The following FAM83F variants were observed in gnomAD, a reference collection of about 807,000 sequenced individuals.
The protein encoded by FAM83F is scaffolding CK1 anchoring protein F.
Under a neutral mutation model 42.9 loss-of-function variants are expected in FAM83F, and 45 were observed. The observed-to-expected ratio is 1.05, with a 90% confidence interval of 0.83 to 1.35. The LOEUF is 1.35. Among genes scored for constraint, FAM83F ranks in the 40% most tolerant of loss-of-function variants. FAM83F has a pLI of 0.00. For synonymous variants in FAM83F, 306 were observed against 298.3 expected, an observed-to-expected ratio of 1.03 and a Z score of -0.27; for missense variants, 617 against 695.9, an observed-to-expected ratio of 0.89 and a Z score of 1.28.
Position 40,023,651 on chromosome 22 carries a change from G to A in FAM83F, c.1453+1688G>A, listed in dbSNP as rs148059765. Among the ~76,000 whole-genome samples, 765 of 152,250 alleles carry A rather than the reference G, an allele frequency of 5.0e-3. 10 individuals are homozygous for A. Among genetic ancestry groups the A allele is most frequent in the African/African-American group, 0.017 (700 of 41,528 alleles). On this transcript the variant is annotated intron_variant, in intron 4 of 4. Transcript: ENST00000333407. The surrounding 1 kb of genome is among the most constrained non-coding windows in gnomAD (Gnocchi z 4.1). Reference sequence around the variant, plus strand: ...ATCCATGTCCCTGCTCCCACATCTCGGGTGGTCACGGCGGCCCTGCCCCTG... The same window carrying A: ...ATCCATGTCCCTGCTCCCACATCTCAGGTGGTCACGGCGGCCCTGCCCCTG...
rs2067617265 is a variant in FAM83F, at chr22:40,035,472, T to G, written c.*5907T>G. 4 of 152,256 alleles carry G rather than the reference T, an allele frequency of 2.6e-5. No individual in the cohort carries two copies. Among genetic ancestry groups the G allele is most frequent in the Non-Finnish European group, 4.4e-5 (3 of 68,048 alleles). The allele number at this position is 152,256 out of a possible 1,614,324, so 9.4% of individuals were successfully genotyped here. ...GGAAGTGTCTTGGAAGTTAGGCGAC[T>G]GCACAGGGAAAGGTTCGCTGCAGTG... is the stretch of plus-strand genomic sequence containing the variant. On this transcript the variant is annotated 3_prime_UTR_variant, in exon 5 of 5. Coordinates refer to ENST00000333407, the MANE Select transcript of FAM83F (RefSeq NM_138435.4).
Position 40,021,514 on chromosome 22 carries a change from A to G in FAM83F, c.1004A>G (p.His335Arg). ...PKYALVSGCR[H>R]PPGEMMRWAA... The stretch of plus-strand genomic sequence containing the variant: ...TACGCCTTGGTGTCAGGCTGCCGCC[A>G]CCCGCCTGGGGAGATGATGCGCTGG... The change falls in exon 4 of 5, where the codon CAC (histidine) becomes CGC (arginine). Residue 335 changes from histidine (H) to arginine (R), a missense_variant. Transcript: ENST00000333407. The surrounding 1 kb of genome is among the most constrained non-coding windows in gnomAD (Gnocchi z 8.7). The G allele has an allele frequency of 1.3e-6, 2 of 1,576,176 alleles. No homozygotes were observed. Among genetic ancestry groups the G allele is most frequent in the Admixed American group, 1.7e-5 (1 of 57,770 alleles).
rs2067526517 is a variant in FAM83F, at chr22:40,022,031, T to C, written c.1453+68T>C. ...GGCCCTCGCCCCGCATCGGCTCTTA[T>C]CCAGGAGCACTGCCTCATACCTGCA... On this transcript the variant is annotated intron_variant, in intron 4 of 4. Coordinates refer to ENST00000333407, the MANE Select transcript of FAM83F (RefSeq NM_138435.4). The C allele has an allele frequency of 3.0e-6, 4 of 1,354,352 alleles. No individual in the cohort carries two copies. The African/African-American group carries it at 5.8e-5, about 20-fold the overall frequency. 83.9% of individuals were successfully genotyped at this position (1,354,352 alleles called of 1,614,324 possible).
rs1020701719 is a variant in FAM83F at position 39,997,171 on chromosome 22, T to C, written c.489+1640T>C. 3.9e-5 allele frequency among the ~76,000 whole-genome samples: 6 copies of C among 152,350 alleles called. No homozygotes were observed. In the East Asian group the frequency reaches 9.6e-4, roughly 24 times the overall value. On this transcript the variant is annotated intron_variant, in intron 1 of 4. Transcript: ENST00000333407. The stretch of plus-strand genomic sequence containing the variant: ...AGGACCCAAACTCCAAAGCCCTTGC[T>C]CTTAACCACTGTGCTACACTGCCCC...
At chr22:40,004,701 G>A (rs895475513) in intron 1 of FAM83F, among the ~76,000 whole-genome samples, 1 of 152,184 alleles carries the variant, frequency 6.6e-6, no homozygotes, top group Non-Finnish European at 1.5e-5. Flanking sequence ...ACCTTCTAAA[G>A]TGCTGGGATT....
intron 1 of FAM83F, among the ~76,000 whole-genome samples, chr22:39,997,631 G>T (rs2067378282): frequency 1.3e-5 from 2 of 152,264 alleles, no homozygotes; most frequent in African/African-American, 4.8e-5. Context: ...TGCAGAATTG[G>T]AAAGGGAGAG....
intron 3 of FAM83F, among the ~76,000 whole-genome samples, chr22:40,020,304 C>T (rs1314317663): frequency 6.6e-6 from 1 of 151,516 alleles, no homozygotes; most frequent in Admixed American, 6.6e-5. Flanking sequence ...AAGTGGGATG[C>T]ACCAGATCTG....
chr22:40,004,841 C>G (rs2067419981), intron 1 of FAM83F, among the ~76,000 whole-genome samples: 1 of 152,148 alleles, frequency 6.6e-6, no homozygotes, highest in South Asian at 2.1e-4. Flanking sequence ...AAATAGGATG[C>G]TAGATGGGAA....
intron 1 of FAM83F, among the ~76,000 whole-genome samples, chr22:40,018,595 C>A (rs568037147): frequency 2.7e-5 from 4 of 148,634 alleles, no homozygotes; most frequent in Admixed American, 2.7e-4. Context: ...CCTGCCACCA[C>A]GCCTGGCTAA....
intron 1 of FAM83F, among the ~76,000 whole-genome samples, chr22:40,005,710 G>T (rs922915822): frequency 1.2e-4 from 19 of 152,362 alleles, no homozygotes; most frequent in African/African-American, 4.6e-4. Context: ...TGACCTGCAG[G>T]GTCGGAATCA....
Position 40,021,098 on chromosome 22 carries a change from T to G in FAM83F, c.780-192T>G, listed in dbSNP as rs2067517303. 6.6e-6 allele frequency among the ~76,000 whole-genome samples: 1 copy of G among 152,158 alleles called. No individual in the cohort carries two copies. Among genetic ancestry groups the G allele is most frequent in the Non-Finnish European group, 1.5e-5 (1 of 68,034 alleles). On this transcript the variant is annotated intron_variant, in intron 3 of 4. Coordinates refer to ENST00000333407, the MANE Select transcript of FAM83F (RefSeq NM_138435.4). This position sits in a 1 kb window ranked among gnomAD's most constrained non-coding sequence, Gnocchi z 8.7. The stretch of plus-strand genomic sequence containing the variant: ...TCCCTGCACCCACTGCCTGCTTGCT[T>G]CATTTGAGGCCAAGCTCTGGGGAAA...
intron 4 of FAM83F, among the ~76,000 whole-genome samples, chr22:40,026,294 G>A (rs1357870908): frequency 6.6e-6 from 1 of 152,178 alleles, no homozygotes; most frequent in Non-Finnish European, 1.5e-5. Context: ...GCCTAGGTGG[G>A]CAGATCATGA....
Position 40,029,657 on chromosome 22 carries a change from A to G in FAM83F, c.*92A>G. ...CAGGTCGCACACTGCACCAGTTTGC[A>G]CATCAGACGCCAACTGGCCTTCTGC... On this transcript the variant is annotated 3_prime_UTR_variant, in exon 5 of 5. Transcript: ENST00000333407. 9.8e-6 allele frequency: 15 copies of G among 1,523,886 alleles called. No individual in the cohort carries two copies. The highest frequency in any genetic ancestry group is 1.2e-5 in the Non-Finnish European group (14 of 1,129,664). The allele number at this position is 1,523,886 out of a possible 1,614,324, so 94.4% of individuals were successfully genotyped here. A position where few individuals can be genotyped will look rare whatever the true frequency, so the allele number is the denominator to read the frequency against.
At chr22:40,010,394 T>G (rs1330538709) in intron 1 of FAM83F, among the ~76,000 whole-genome samples, 7 of 152,130 alleles carry the variant, frequency 4.6e-5, no homozygotes, top group Non-Finnish European at 1.0e-4. Flanking sequence ...CGGAGGGTAA[T>G]TATCACTTCT....
chr22:39,995,211 G>C lies in FAM83F; in HGVS notation c.169G>C (p.Asp57His). Residue 57 changes from aspartate to histidine, a missense_variant, in exon 1 of 5, where the codon GAC becomes CAC. Coordinates refer to ENST00000333407, the MANE Select transcript of FAM83F (RefSeq NM_138435.4). The surrounding 1 kb of genome is among the most constrained non-coding windows in gnomAD (Gnocchi z 4.6). The stretch of plus-strand genomic sequence containing the variant: ...GCGGCTCAAGGAGGAGCAGCTGCGG[G>C]ACTTCCTCTCCAGCCCGGAGCGCCA... ...RERLKEEQLR[D>H]FLSSPERQAL... The C allele has an allele frequency of 1.3e-6, 2 of 1,530,730 alleles. No homozygotes were observed. Among genetic ancestry groups the C allele is most frequent in the Non-Finnish European group, 1.7e-6 (2 of 1,144,556 alleles). 94.8% of individuals were successfully genotyped at this position (1,530,730 alleles called of 1,614,324 possible).
intron 1 of FAM83F, among the ~76,000 whole-genome samples, chr22:40,009,532 C>T (rs2067452214): frequency 6.6e-6 from 1 of 152,184 alleles, no homozygotes; most frequent in Non-Finnish European, 1.5e-5. Context: ...GGAGGAGAGT[C>T]CGAGCTGGGG....
Position 40,029,713 on chromosome 22 carries a change from C to T in FAM83F, c.*148C>T. The T allele has an allele frequency of 1.7e-6, 2 of 1,177,816 alleles. No homozygotes were observed. Among genetic ancestry groups the T allele is most frequent in the Non-Finnish European group, 2.3e-6 (2 of 856,118 alleles). 73.0% of individuals were successfully genotyped at this position (1,177,816 alleles called of 1,614,324 possible). ...AGCCTCCGTCCTGGCCTCAGGGACG[C>T]TGGATCCCAAATGAGAGGGTCCGAA... On this transcript the variant is annotated 3_prime_UTR_variant, in exon 5 of 5. Coordinates refer to ENST00000333407, the MANE Select transcript of FAM83F (RefSeq NM_138435.4).
chr22:40,026,970 C>T (rs981382846), intron 4 of FAM83F, among the ~76,000 whole-genome samples: 9 of 152,110 alleles, frequency 5.9e-5, no homozygotes, highest in African/African-American at 1.4e-4. Context: ...AGTAGCTCGC[C>T]GTTGCTGTCT....
chr22:40,001,317 G>C (rs1274574825), intron 1 of FAM83F, among the ~76,000 whole-genome samples: 1 of 152,144 alleles, frequency 6.6e-6, no homozygotes, highest in Non-Finnish European at 1.5e-5. Context: ...GATAAAATGG[G>C]GAAGATAATA....
Sources: gnomAD v4.1 joint callset for allele counts (sites outside exome capture counted in the v4.1 genomes callset) on GRCh38, gnomAD v4.1.1 for gene constraint, Gnocchi (gnomAD v3.1) non-coding constraint, MANE v1.5 for transcripts, NCBI Gene and HGNC (gene_info 2026-07-23, HGNC 2026-07-21) for gene names.